The following TOM1L2 variants were observed in gnomAD, a reference collection of about 807,000 sequenced individuals.
TOM1L2 encodes the protein target of myb1 like 2 membrane trafficking protein.
In TOM1L2, 31 loss-of-function variants were observed where a neutral mutation model predicts 67.9. The ratio of observed to expected loss-of-function variants is 0.46; its 90% confidence interval spans 0.34 to 0.62. The LOEUF is 0.62. Among genes scored for constraint, TOM1L2 ranks in the 20% least tolerant of loss-of-function variants. The pLI, the probability that TOM1L2 is intolerant of heterozygous loss-of-function variation, is 0.01. For synonymous variants in TOM1L2, 256 were observed against 254.0 expected (o/e 1.01, Z -0.07); for missense variants, 606 against 663.5 (o/e 0.91, Z 0.95).
At chr17:17,852,632 G>A (rs1355808004) in intron 12 of TOM1L2, among the ~76,000 whole-genome samples, 2 of 152,152 alleles carry the variant, frequency 1.3e-5, no homozygotes, top group African/African-American at 2.4e-5. Flanking sequence ...TTGGGAGGCC[G>A]AGGCGGGCAG....
chr17:17,941,985 C>T (rs962723041), intron 1 of TOM1L2, among the ~76,000 whole-genome samples: 2 of 152,156 alleles, frequency 1.3e-5, no homozygotes, highest in Non-Finnish European at 2.9e-5. Context: ...AGCCACTTTC[C>T]CACAAAAACG....
chr17:17,927,542 G>T (rs141375393), intron 1 of TOM1L2, among the ~76,000 whole-genome samples: 1 of 152,174 alleles, frequency 6.6e-6, no homozygotes, highest in Admixed American at 6.5e-5. Flanking sequence ...ATTTGGCCTC[G>T]TGAGAATGGC....
chr17:17,964,441 G>A (rs934509183), intron 1 of TOM1L2, among the ~76,000 whole-genome samples: 1 of 152,196 alleles, frequency 6.6e-6, no homozygotes, highest in Non-Finnish European at 1.5e-5. Context: ...GCCTCTTCAA[G>A]GCATGAGAAG....
chr17:17,863,244 A>T (rs1223457166), intron 10 of TOM1L2: 2 of 188,562 alleles, frequency 1.1e-5, no homozygotes, highest in Admixed American at 1.1e-4. Flanking sequence ...GGTACCCACC[A>T]TGTTCAGAGC....
At chr17:17,924,167 C>G (rs1440291805) in intron 1 of TOM1L2, among the ~76,000 whole-genome samples, 1 of 151,970 alleles carries the variant, frequency 6.6e-6, no homozygotes, top group African/African-American at 2.4e-5. Flanking sequence ...GTAAAAATGA[C>G]TACATATTGT....
In TOM1L2 at chr17:17,845,993, G is replaced by C. The variant is rs1033448892; in HGVS notation, c.*1642C>G. On this transcript the variant is annotated 3_prime_UTR_variant, in exon 15 of 15. Transcript: ENST00000379504. ...CAGACAGAGGTTTCCTCTCTGGAGG[G>C]AGCTGGAGGGCTGCTAGCCTGGCAC... 3 of 152,048 alleles carry C rather than the reference G, an allele frequency of 2.0e-5. No homozygotes were observed. Among genetic ancestry groups the C allele is most frequent in the Admixed American group, 6.5e-5 (1 of 15,284 alleles). The allele number at this position is 152,048 out of a possible 1,614,324, so 9.4% of individuals were successfully genotyped here. A position where few individuals can be genotyped will look rare whatever the true frequency, so the allele number is the denominator to read the frequency against.
Position 17,962,829 on chromosome 17 carries a change from C to T in TOM1L2, c.52+9433G>A, listed in dbSNP as rs562637011. Among the ~76,000 whole-genome samples the T allele has an allele frequency of 1.1e-4, 16 of 151,958 alleles. No individual in the cohort carries two copies. The South Asian group carries it at 2.9e-3, about 28-fold the overall frequency. ...CAAAAAATTTAGCTGGGCGTGGTGG[C>T]GCGTGCCTGTAGTCCCAGCTACTTG... On this transcript the variant is annotated intron_variant, in intron 1 of 14. Transcript: ENST00000379504.
In TOM1L2 at chr17:17,848,076, G is replaced by C. The variant is rs117296440; in HGVS notation, c.1376-293C>G. 5.8e-3 allele frequency among the ~76,000 whole-genome samples: 886 copies of C among 152,304 alleles called. 2 individuals are homozygous for C. The highest frequency in any genetic ancestry group is 0.011 in the Non-Finnish European group (747 of 68,020). On this transcript the variant is annotated intron_variant, in intron 14 of 14. Coordinates refer to ENST00000379504, the MANE Select transcript of TOM1L2 (RefSeq NM_001082968.2). ...TTTGTCCATTTTCCAGATCAGCACT[G>C]GGGGTGGGGCAGGGTAAGCTGGAGG...
chr17:17,923,514 T>G (rs896239421), intron 1 of TOM1L2, among the ~76,000 whole-genome samples: 1 of 151,392 alleles, frequency 6.6e-6, no homozygotes, highest in Non-Finnish European at 1.5e-5. Context: ...GGAGACCCTG[T>G]CTCTACAAAA....
chr17:17,911,069 C>T (rs1598318291), intron 1 of TOM1L2, among the ~76,000 whole-genome samples: 1 of 152,336 alleles, frequency 6.6e-6, no homozygotes, highest in African/African-American at 2.4e-5. Context: ...TGCGAGGCTC[C>T]TCCAAACAGG....
intron 1 of TOM1L2, among the ~76,000 whole-genome samples, chr17:17,954,664 A>G (rs2041353589): frequency 6.6e-6 from 1 of 152,148 alleles, no homozygotes; most frequent in Non-Finnish European, 1.5e-5. Context: ...ATTTTCTGGT[A>G]GAGTTGTCCA....
At chr17:17,912,390 G>A (rs1449685301) in intron 1 of TOM1L2, among the ~76,000 whole-genome samples, 10 of 151,084 alleles carry the variant, frequency 6.6e-5, no homozygotes, top group South Asian at 6.2e-4. Context: ...CTTCTCAGAC[G>A]GGGCGGCTGC....
At chr17:17,870,818 C>A (rs2143863110) in intron 7 of TOM1L2, among the ~76,000 whole-genome samples, 1 of 152,322 alleles carries the variant, frequency 6.6e-6, no homozygotes, top group South Asian at 2.1e-4. Context: ...CTGAGCCACA[C>A]ACAGTGAAAA....
chr17:17,922,694 T>C (rs2039924223), intron 1 of TOM1L2, among the ~76,000 whole-genome samples: 1 of 152,146 alleles, frequency 6.6e-6, no homozygotes, highest in Non-Finnish European at 1.5e-5. Context: ...TAAGATCAAA[T>C]AAGTTAGTGA....
chr17:17,962,177 A>T (rs1364550245), intron 1 of TOM1L2, among the ~76,000 whole-genome samples: 1 of 152,204 alleles, frequency 6.6e-6, no homozygotes, highest in Non-Finnish European at 1.5e-5. Context: ...GATTCCACTT[A>T]TATGAGGTTC....
chr17:17,915,431 G>A (rs547315454), intron 1 of TOM1L2, among the ~76,000 whole-genome samples: 3 of 152,192 alleles, frequency 2.0e-5, no homozygotes, highest in Non-Finnish European at 4.4e-5. Flanking sequence ...GACTACTGAT[G>A]TTGAGCATTT....
chr17:17,862,556 G>T, intron 11 of TOM1L2, 175 bp downstream of exon 11: 1 of 617,350 alleles, frequency 1.6e-6, no homozygotes. Flanking sequence ...GGAGGAGGTG[G>T]GCAGTTGGTA....
chr17:17,930,679 T>G (rs116610797), intron 1 of TOM1L2, among the ~76,000 whole-genome samples: 577 of 152,314 alleles, frequency 3.8e-3, no homozygotes, highest in African/African-American at 0.013. Flanking sequence ...CAAAAGGAAT[T>G]TAGGGTAATT....
rs2143638761 is a variant in TOM1L2 at position 17,857,866 on chromosome 17, A to G, written c.1278+3610T>C. 3.9e-6 allele frequency: 6 copies of G among 1,535,370 alleles called. 1 individual carries two copies. The East Asian group carries it at 1.5e-4, about 38-fold the overall frequency. ...CGAGGACAGAAAAGTCTCAGAAAGA[A>G]AAGTCACAGCAAGACCCATGAGAAA... On this transcript the variant is annotated intron_variant, in intron 12 of 14. Coordinates refer to ENST00000379504, the MANE Select transcript of TOM1L2 (RefSeq NM_001082968.2).
Sources: allele counts gnomAD v4.1 joint callset (sites outside exome capture counted in the v4.1 genomes callset), GRCh38; gene constraint gnomAD v4.1.1; transcripts MANE v1.5; gene names NCBI Gene and HGNC (gene_info 2026-07-23, HGNC 2026-07-21).